Variants in DMD observed in about 807,000 individuals in gnomAD.
DMD encodes dystrophin.
In DMD, 63 loss-of-function variants were observed where a neutral mutation model predicts 330.1. The ratio of observed to expected loss-of-function variants is 0.19; its 90% CI spans 0.16 to 0.24. DMD has a LOEUF of 0.24. Ranked by LOEUF, DMD falls within the 10% of genes least tolerant of loss-of-function variation. DMD has a pLI of 1.00. For missense variants in DMD, 3,344 were observed against 2,684.1 expected, an observed-to-expected ratio of 1.25 and a Z score of -5.43; for synonymous variants, 1,223 against 959.8, an observed-to-expected ratio of 1.27 and a Z score of -5.07.
chrX:32,668,244 A>T (rs1215700831), intron 9 of DMD, among the ~76,000 whole-genome samples: 1 of 111,974 alleles, frequency 8.9e-6, no homozygotes, highest in East Asian at 2.8e-4. Flanking sequence ...TTTGCTTATC[A>T]AATCTTGTTA....
chrX:32,354,340 T>C (rs892144034), intron 37 of DMD, among the ~76,000 whole-genome samples: 5 of 111,290 alleles, frequency 4.5e-5, no homozygotes, highest in African/African-American at 1.6e-4. Flanking sequence ...CATTACAATA[T>C]TGATATAGAA....
intron 41 of DMD, among the ~76,000 whole-genome samples, chrX:32,339,614 A>G (rs2097731627): frequency 9.0e-6 from 1 of 111,534 alleles, no homozygotes; most frequent in Admixed American, 9.6e-5. Context: ...ACTACCATAT[A>G]TAGCTCTGAC....
chrX:31,321,639 G>GTGA (rs5901979), intron 62 of DMD, among the ~76,000 whole-genome samples: 16,972 of 94,507 alleles, frequency 0.18, 2,609 homozygotes, highest in African/African-American at 0.47. Flanking sequence ...TATAGGTTAA[G>GTGA]TGACTTGCCT....
chrX:33,149,051 G>T (rs891259400), intron 1 of DMD, among the ~76,000 whole-genome samples: 2 of 110,260 alleles, frequency 1.8e-5, no homozygotes, highest in Non-Finnish European at 3.8e-5. Context: ...TTAGTGGGGG[G>T]GAGGTGAGGG....
intron 1 of DMD, among the ~76,000 whole-genome samples, chrX:33,229,622 G>A (rs747440133): frequency 6.3e-5 from 7 of 111,784 alleles, no homozygotes; most frequent in South Asian, 3.7e-4. Context: ...TGAACTATGC[G>A]TCTATCTCTC....
intron 60 of DMD, among the ~76,000 whole-genome samples, chrX:31,415,705 G>A (rs2066128305): frequency 9.0e-6 from 1 of 111,005 alleles, no homozygotes. Context: ...CTCATTCCTG[G>A]TTCTGCTTGG....
At chrX:31,169,407 C>T (rs755219040) in intron 74 of DMD, 36 bp downstream of exon 74, 1 of 1,108,924 alleles carries the variant, frequency 9.0e-7, no homozygotes, top group South Asian at 1.9e-5. Flanking sequence ...TGTATGCACT[C>T]TGCATACCAA....
intron 43 of DMD, among the ~76,000 whole-genome samples, chrX:32,256,375 C>T (rs747064852): frequency 1.2e-4 from 13 of 106,356 alleles, no homozygotes; most frequent in Non-Finnish European, 1.2e-4. Context: ...GAAAATATTC[C>T]GCCATCCCTT....
intron 1 of DMD, among the ~76,000 whole-genome samples, chrX:33,311,990 A>T (rs142811760): frequency 0.026 from 2,857 of 110,722 alleles, 46 homozygotes; most frequent in Non-Finnish European, 0.042. Flanking sequence ...AAATCAAATG[A>T]TGAAAAATAG....
intron 49 of DMD, among the ~76,000 whole-genome samples, chrX:31,834,237 T>C (rs186173330): frequency 6.4e-4 from 72 of 111,747 alleles, no homozygotes; most frequent in Non-Finnish European, 1.2e-3. Context: ...CCCTCACAGC[T>C]TTCTGCCTTG....
At chrX:32,279,679 G>A (rs1005498543) in intron 43 of DMD, among the ~76,000 whole-genome samples, 1 of 106,062 alleles carries the variant, frequency 9.4e-6, no homozygotes. Flanking sequence ...GTAGTGGGGG[G>A]GTTGAGGGGG....
chrX:32,392,086 G>T (rs1265238280), intron 30 of DMD, among the ~76,000 whole-genome samples: 3 of 111,568 alleles, frequency 2.7e-5, no homozygotes, highest in African/African-American at 9.8e-5. Context: ...GCTTCGAATT[G>T]TGTCACATAT....
chrX:32,446,330 A>T (rs1441766914), intron 27 of DMD, among the ~76,000 whole-genome samples: 1 of 110,073 alleles, frequency 9.1e-6, no homozygotes, highest in Non-Finnish European at 1.9e-5. Flanking sequence ...AGAGAAAATG[A>T]TAAAGAAACA....
intron 76 of DMD, among the ~76,000 whole-genome samples, chrX:31,144,485 CTG>C (rs768528300): frequency 7.1e-5 from 8 of 112,174 alleles, no homozygotes; most frequent in African/African-American, 2.6e-4. Flanking sequence ...ATTTTCCCGA[CTG>C]TGATCTCCAA....
chrX:32,579,526 T>C (rs1293127403), intron 13 of DMD, among the ~76,000 whole-genome samples: 1 of 112,384 alleles, frequency 8.9e-6, no homozygotes. Context: ...ATAAAAGATA[T>C]GCCTTCTAAT....
At chrX:32,666,726 G>GCTGAGGAAGCTTGGGAA (rs1569427126) in intron 9 of DMD, among the ~76,000 whole-genome samples, 6 of 108,323 alleles carry the variant, frequency 5.5e-5, no homozygotes, top group Non-Finnish European at 1.1e-4. Flanking sequence ...CTACTTGGGA[G>GCTGAGGAAGCTTGGGAA]GCTGAGGAAG....
chrX:31,573,062 T>C (rs560927496), intron 55 of DMD, among the ~76,000 whole-genome samples: 1 of 111,442 alleles, frequency 9.0e-6, no homozygotes, highest in South Asian at 3.8e-4. Flanking sequence ...GAAAAAGACA[T>C]TTGACTAGTT....
At chrX:32,919,434 T>C (rs1411423163) in intron 2 of DMD, among the ~76,000 whole-genome samples, 1 of 112,199 alleles carries the variant, frequency 8.9e-6, no homozygotes, top group Non-Finnish European at 1.9e-5. Flanking sequence ...AATGGATGCA[T>C]GTAACTGTTG....
At chrX:33,139,883 A>AT (rs1165184708) in intron 1 of DMD, among the ~76,000 whole-genome samples, 1,178 of 106,602 alleles carry the variant, frequency 0.011, 23 homozygotes, top group African/African-American at 0.036. Context: ...AAAAAAAAAA[A>AT]AAAAAAAAAA....
Sources: allele counts gnomAD v4.1 joint callset (sites outside exome capture counted in the v4.1 genomes callset), GRCh38; gene constraint gnomAD v4.1.1; transcripts MANE v1.5; gene names NCBI Gene and HGNC (gene_info 2026-07-23, HGNC 2026-07-21).